Variants in ARHGAP42 observed in about 807,000 individuals in gnomAD.
ARHGAP42 encodes Rho GTPase activating protein 42, also known as rho GTPase-activating protein 42.
ARHGAP42 carries 63 observed loss-of-function variants against 125.0 expected under a neutral mutation model. The ratio of observed to expected loss-of-function variants is 0.50; its 90% CI spans 0.41 to 0.62. The LOEUF (loss-of-function observed/expected upper bound fraction) is 0.62. Ranked by LOEUF, ARHGAP42 falls within the 20% of genes least tolerant of loss-of-function variation. The pLI is 0.00. For missense variants in ARHGAP42, 766 were observed against 1,024.2 expected, an observed-to-expected ratio of 0.75 and a Z score of 3.44; for synonymous variants, 339 against 351.0, an observed-to-expected ratio of 0.97 and a Z score of 0.38.
At chr11:100,939,965 A>G (rs558711610) in intron 8 of ARHGAP42, among the ~76,000 whole-genome samples, 3 of 152,324 alleles carry the variant, frequency 2.0e-5, no homozygotes, top group South Asian at 4.1e-4. Flanking sequence ...AAGTCACTAC[A>G]TACGAGAATT....
chr11:100,690,278 A>C (rs1467245215), intron 1 of ARHGAP42, among the ~76,000 whole-genome samples: 1 of 152,190 alleles, frequency 6.6e-6, no homozygotes, highest in Non-Finnish European at 1.5e-5. Flanking sequence ...TTTATTAATA[A>C]TTAATGCATT....
chr11:100,931,256 A>C (rs971390575), intron 6 of ARHGAP42, among the ~76,000 whole-genome samples: 1 of 152,158 alleles, frequency 6.6e-6, no homozygotes, highest in Non-Finnish European at 1.5e-5. Flanking sequence ...TCAGATTAGT[A>C]TTAGTACTTT....
In ARHGAP42 at chr11:100,865,259, A is replaced by C. The variant is rs770784945; in HGVS notation, c.384+5634A>C. 2.6e-5 allele frequency among the ~76,000 whole-genome samples: 4 copies of C among 152,178 alleles called. No homozygotes were observed. In the East Asian group the frequency reaches 7.7e-4, roughly 29 times the overall value. On this transcript the variant is annotated intron_variant, in intron 4 of 23. Transcript: ENST00000298815. Reference sequence around the variant, plus strand: ...ATACATGCAGTTAATTAAGCATGTAATATCCAAAAAAATCTATATATAGTT... The same window carrying C: ...ATACATGCAGTTAATTAAGCATGTACTATCCAAAAAAATCTATATATAGTT...
At chr11:100,973,706 C>T (rs1158941459) in intron 18 of ARHGAP42, among the ~76,000 whole-genome samples, 1 of 151,978 alleles carries the variant, frequency 6.6e-6, no homozygotes, top group Non-Finnish European at 1.5e-5. Context: ...AAAATATAGG[C>T]AACAGTCTTG....
At chr11:100,972,959 T>C (rs1053349316) in intron 17 of ARHGAP42, among the ~76,000 whole-genome samples, 1 of 152,204 alleles carries the variant, frequency 6.6e-6, no homozygotes, top group Non-Finnish European at 1.5e-5. Flanking sequence ...TTAATAGATT[T>C]TGTTTTGCCT....
intron 2 of ARHGAP42, among the ~76,000 whole-genome samples, chr11:100,784,385 C>T (rs1481407755): frequency 6.6e-6 from 1 of 151,892 alleles, no homozygotes; most frequent in Non-Finnish European, 1.5e-5. Context: ...TTCTAGTGTC[C>T]CTACATAAAA....
chr11:100,761,975 C>T (rs776165250), intron 1 of ARHGAP42, among the ~76,000 whole-genome samples: 11 of 152,194 alleles, frequency 7.2e-5, no homozygotes, highest in Non-Finnish European at 1.3e-4. Context: ...AAACACATGG[C>T]AGTAAGTGGT....
At chr11:100,892,394 A>G (rs1866240899) in intron 4 of ARHGAP42, among the ~76,000 whole-genome samples, 1 of 152,164 alleles carries the variant, frequency 6.6e-6, no homozygotes, top group African/African-American at 2.4e-5. Context: ...ATTATAATCA[A>G]TAGCAGTCTT....
chr11:100,773,195 T>C (rs1863023536), intron 2 of ARHGAP42, among the ~76,000 whole-genome samples: 1 of 152,154 alleles, frequency 6.6e-6, no homozygotes, highest in South Asian at 2.1e-4. Flanking sequence ...TTTTTTTCTT[T>C]TTCAACCCTT....
chr11:100,731,431 G>C (rs1349799021), intron 1 of ARHGAP42, among the ~76,000 whole-genome samples: 2 of 152,156 alleles, frequency 1.3e-5, no homozygotes, highest in East Asian at 3.9e-4. Flanking sequence ...TTACAGGCGT[G>C]AGCCACTGTG....
chr11:100,862,070 C>A (rs1865456364), intron 4 of ARHGAP42, among the ~76,000 whole-genome samples: 1 of 152,114 alleles, frequency 6.6e-6, no homozygotes, highest in Non-Finnish European at 1.5e-5. Flanking sequence ...AGAGTCTTTT[C>A]AAAATTAATA....
At chr11:100,870,429 C>T (rs1865669457) in intron 4 of ARHGAP42, among the ~76,000 whole-genome samples, 1 of 152,120 alleles carries the variant, frequency 6.6e-6, no homozygotes, top group African/African-American at 2.4e-5. Flanking sequence ...CCCTGGCTGC[C>T]CTGCTGCAGA....
intron 4 of ARHGAP42, among the ~76,000 whole-genome samples, chr11:100,895,582 T>A: frequency 6.6e-6 from 1 of 151,120 alleles, no homozygotes; most frequent in East Asian, 2.0e-4. Flanking sequence ...GCAGTACAAG[T>A]TCAGACCATG....
In ARHGAP42 at chr11:100,988,806, A is replaced by G. The variant is rs368377647; in HGVS notation, c.*5A>G. ...AATTATGTTGTCTTCCTCTAATACT[A>G]TTTAGTGGATGGCAGTATCTTCATG... On this transcript the variant is annotated 3_prime_UTR_variant, in exon 24 of 24. Coordinates refer to ENST00000298815, the MANE Select transcript of ARHGAP42 (RefSeq NM_152432.4). 21 of 1,531,080 alleles carry G rather than the reference A, an allele frequency of 1.4e-5. No homozygotes were observed. The highest frequency in any genetic ancestry group is 2.8e-5 in the African/African-American group (2 of 72,660). The allele number at this position is 1,531,080 out of a possible 1,614,324, so 94.8% of individuals were successfully genotyped here.
Position 100,921,484 on chromosome 11 carries a change from T to C in ARHGAP42, c.487-10T>C, listed in dbSNP as rs1015738805. 2.0e-6 allele frequency: 3 copies of C among 1,527,300 alleles called. No homozygotes were observed. In the Admixed American group the frequency reaches 6.1e-5, roughly 31 times the overall value. The allele number at this position is 1,527,300 out of a possible 1,614,324, so 94.6% of individuals were successfully genotyped here. On this transcript the variant is annotated splice_polypyrimidine_tract_variant and intron_variant, in intron 5 of 23. Coordinates refer to ENST00000298815, the MANE Select transcript of ARHGAP42 (RefSeq NM_152432.4). The stretch of plus-strand genomic sequence containing the variant: ...ACCATCAGTAATCACCCTCTGGTTT[T>C]TCTCTTTAGGCAGATACACAAATTG...
intron 5 of ARHGAP42, among the ~76,000 whole-genome samples, chr11:100,914,688 CCT>C (rs1867019254): frequency 6.6e-6 from 1 of 152,178 alleles, no homozygotes. Context: ...GTCTCCTCCT[CCT>C]CTCTCTTCAC....
chr11:100,943,718 C>G, intron 9 of ARHGAP42, 41 bp from the exon 10 acceptor site: 1 of 1,331,148 alleles, frequency 7.5e-7, no homozygotes, highest in Non-Finnish European at 1.0e-6. Context: ...TTTCAATTCA[C>G]TTGTCAGCAT....
chr11:100,888,001 G>A (rs1447770029), intron 4 of ARHGAP42, among the ~76,000 whole-genome samples: 2 of 152,154 alleles, frequency 1.3e-5, no homozygotes, highest in Non-Finnish European at 2.9e-5. Context: ...CAGCAAGGAG[G>A]TTTCTAAGAA....
intron 8 of ARHGAP42, among the ~76,000 whole-genome samples, chr11:100,938,116 G>C (rs1166139961): frequency 6.6e-6 from 1 of 151,418 alleles, no homozygotes; most frequent in African/African-American, 2.4e-5. Context: ...ATAAGTCAAG[G>C]CAATCCATCC....
Sources: allele counts gnomAD v4.1 joint callset (sites outside exome capture counted in the v4.1 genomes callset), GRCh38; gene constraint gnomAD v4.1.1; transcripts MANE v1.5; gene names NCBI Gene and HGNC (gene_info 2026-07-23, HGNC 2026-07-21).